ADAM9: variants seen among roughly 807,000 people sequenced by gnomAD.
ADAM9 encodes the protein disintegrin and metalloproteinase domain-containing protein 9.
In ADAM9, 54 loss-of-function variants were observed where a neutral mutation model predicts 108.1. The ratio of observed to expected loss-of-function variants is 0.50; its 90% CI spans 0.40 to 0.63. The LOEUF is 0.63. ADAM9 is among the 20% of genes least tolerant of loss of function. ADAM9 has a pLI of 0.00. For synonymous variants in ADAM9, 316 were observed against 336.0 expected (o/e 0.94, Z 0.65); for missense variants, 830 against 997.7 (o/e 0.83, Z 2.26).
intron 11 of ADAM9, among the ~76,000 whole-genome samples, chr8:39,039,635 A>C (rs899679610): frequency 1.3e-5 from 2 of 152,114 alleles, no homozygotes; most frequent in Non-Finnish European, 2.9e-5. Flanking sequence ...AATAAGTGAG[A>C]TCATGCAACA....
At chr8:39,020,524 A>G (rs1307827953) in intron 7 of ADAM9, among the ~76,000 whole-genome samples, 1 of 152,232 alleles carries the variant, frequency 6.6e-6, no homozygotes, top group African/African-American at 2.4e-5. Context: ...AATTGGTTAT[A>G]TAAATTAATG....
intron 11 of ADAM9, among the ~76,000 whole-genome samples, chr8:39,031,252 C>G (rs1837085534): frequency 6.6e-6 from 1 of 152,124 alleles, no homozygotes; most frequent in African/African-American, 2.4e-5. Context: ...AGATCTGTGT[C>G]TAGATTTATT....
intron 16 of ADAM9, among the ~76,000 whole-genome samples, chr8:39,078,369 A>C (rs1588417801): frequency 6.6e-6 from 1 of 151,876 alleles, no homozygotes; most frequent in Non-Finnish European, 1.5e-5. Flanking sequence ...TCTCAAAAAA[A>C]AAAAAAAAAA....
intron 14 of ADAM9, among the ~76,000 whole-genome samples, chr8:39,067,360 G>A (rs1353824947): frequency 1.3e-5 from 2 of 152,136 alleles, no homozygotes; most frequent in Admixed American, 1.3e-4. Context: ...CCATTTTCAC[G>A]ATATTGATTA....
chr8:39,077,094 T>C (rs1051823779), intron 15 of ADAM9, 134 bp from the exon 16 acceptor site: 1 of 983,342 alleles, frequency 1.0e-6, no homozygotes, highest in African/African-American at 1.6e-5. Context: ...TTGACCTCTC[T>C]TGCTCTCATA....
chr8:39,064,061 TAAG>T (rs1335492847), intron 14 of ADAM9, among the ~76,000 whole-genome samples: 3 of 152,238 alleles, frequency 2.0e-5, no homozygotes, highest in African/African-American at 7.2e-5. Flanking sequence ...TCCAGTAAAA[TAAG>T]GAGCAACCAG....
intron 11 of ADAM9, among the ~76,000 whole-genome samples, chr8:39,033,999 G>A (rs1392750522): frequency 6.6e-6 from 1 of 152,046 alleles, no homozygotes; most frequent in Non-Finnish European, 1.5e-5. Context: ...AAAATGGGAC[G>A]ACAACAACAA....
intron 16 of ADAM9, among the ~76,000 whole-genome samples, chr8:39,082,206 A>G (rs899751226): frequency 9.2e-5 from 14 of 152,288 alleles, no homozygotes; most frequent in African/African-American, 3.4e-4. Flanking sequence ...TGAGTTTTAA[A>G]TATTATCCTT....
chr8:39,002,213 C>T (rs983417800), intron 1 of ADAM9, among the ~76,000 whole-genome samples: 1 of 151,114 alleles, frequency 6.6e-6, no homozygotes, highest in East Asian at 1.9e-4. Context: ...TTATTTTCTA[C>T]AGTGGAAGTA....
In ADAM9 at chr8:39,037,196, T is replaced by C. The variant is rs1231656252; in HGVS notation, c.1131-4750T>C. ...CTCAGCCTCTCTGAGTAGCTGGGAC[T>C]ACAGGCGCCCGCCACTGCGCCCGGC... is the stretch of plus-strand genomic sequence containing the variant. On this transcript the variant is annotated intron_variant, in intron 11 of 21. Coordinates refer to ENST00000487273, the MANE Select transcript of ADAM9 (RefSeq NM_003816.3). Among the ~76,000 whole-genome samples, 4 of 149,222 alleles carry C rather than the reference T, an allele frequency of 2.7e-5. No individual in the cohort carries two copies. The South Asian group carries it at 8.4e-4, about 31-fold the overall frequency.
intron 18 of ADAM9, among the ~76,000 whole-genome samples, chr8:39,089,534 C>G (rs1839283551): frequency 6.6e-6 from 1 of 152,184 alleles, no homozygotes; most frequent in Non-Finnish European, 1.5e-5. Context: ...TATACCTGCA[C>G]TAATATGATA....
chr8:39,098,206 A>G lies in ADAM9; in HGVS notation c.2299-3657A>G, dbSNP rs1003542807. Among the ~76,000 whole-genome samples, 30 of 152,126 alleles carry G rather than the reference A, an allele frequency of 2.0e-4. No individual in the cohort carries two copies. The East Asian group carries it at 4.4e-3, about 22-fold the overall frequency. On this transcript the variant is annotated intron_variant, in intron 20 of 21. Transcript: ENST00000487273. The stretch of plus-strand genomic sequence containing the variant: ...GTTACTCTAATTGATGCTGTAGATG[A>G]TATCTTTTCCATGTGGCTTTTTCTT...
rs145413634 is a variant in ADAM9 at position 39,094,244 on chromosome 8, T to C, written c.2298+2898T>C. Among the ~76,000 whole-genome samples, 1,123 of 152,356 alleles carry C rather than the reference T, an allele frequency of 7.4e-3. 9 individuals are homozygous for C. Among genetic ancestry groups the C allele is most frequent in the South Asian group, 0.014 (69 of 4,826 alleles). On this transcript the variant is annotated intron_variant, in intron 20 of 21. Transcript: ENST00000487273. Reference sequence around the variant, plus strand: ...TTGTTATTTATTGATTTGAATATGTTAAACCATCCTCGCATCCCCAGAATA... The same window carrying C: ...TTGTTATTTATTGATTTGAATATGTCAAACCATCCTCGCATCCCCAGAATA...
intron 14 of ADAM9, among the ~76,000 whole-genome samples, chr8:39,066,444 C>T (rs1838477052): frequency 6.6e-6 from 1 of 152,234 alleles, no homozygotes; most frequent in Non-Finnish European, 1.5e-5. Context: ...GATCGCCATT[C>T]TAAATGGCGT....
At chr8:39,014,202 C>T in intron 4 of ADAM9, 159 bp downstream of exon 4, 1 of 672,144 alleles carries the variant, frequency 1.5e-6, no homozygotes, top group Non-Finnish European at 2.6e-6. Context: ...GGGTGCATTT[C>T]TATAGACTAA....
chr8:39,045,765 GT>G (rs1372389752), intron 12 of ADAM9, among the ~76,000 whole-genome samples: 2 of 152,010 alleles, frequency 1.3e-5, no homozygotes, highest in Non-Finnish European at 2.9e-5. Flanking sequence ...GGTAGTTCTA[GT>G]TTTAGTTCTT....
intron 6 of ADAM9, among the ~76,000 whole-genome samples, chr8:39,017,774 G>T (rs1458987808): frequency 6.6e-6 from 1 of 151,974 alleles, no homozygotes; most frequent in Non-Finnish European, 1.5e-5. Flanking sequence ...ACAACTTTTT[G>T]TAGAGATGAG....
intron 12 of ADAM9, among the ~76,000 whole-genome samples, 189 bp from the exon 13 acceptor site, chr8:39,054,292 A>T (rs1369193557): frequency 1.3e-5 from 2 of 152,196 alleles, no homozygotes; most frequent in African/African-American, 2.4e-5. Flanking sequence ...CCTTTGAAAT[A>T]TGTTGAGACT....
intron 3 of ADAM9, among the ~76,000 whole-genome samples, chr8:39,013,088 T>C (rs1836410581): frequency 2.0e-5 from 3 of 152,184 alleles, no homozygotes; most frequent in Non-Finnish European, 4.4e-5. Context: ...ATACAGCTGC[T>C]CCAGTCCTGC....
Sources: gnomAD v4.1 joint callset for allele counts (sites outside exome capture counted in the v4.1 genomes callset) on GRCh38, gnomAD v4.1.1 for gene constraint, MANE v1.5 for transcripts, NCBI Gene and HGNC (gene_info 2026-07-23, HGNC 2026-07-21) for gene names.